CWH43: variants seen among roughly 807,000 people sequenced by gnomAD.
CWH43 encodes the protein cell wall biogenesis 43 C-terminal homolog.
CWH43 carries 91 observed loss-of-function variants against 85.7 expected under a neutral mutation model. The observed-to-expected ratio is 1.06, with a 90% CI of 0.90 to 1.26. CWH43 has a LOEUF of 1.26. CWH43 is among the 50% of genes most tolerant of loss of function. The pLI is 0.00. For synonymous variants in CWH43, 323 were observed against 293.6 expected, an observed-to-expected ratio of 1.10 and a Z score of -1.02; for missense variants, 869 against 839.2, an observed-to-expected ratio of 1.04 and a Z score of -0.44.
At chr4:49,024,679 C>A (rs1161746058) in intron 9 of CWH43, among the ~76,000 whole-genome samples, 1 of 152,128 alleles carries the variant, frequency 6.6e-6, no homozygotes, top group Admixed American at 6.5e-5. Flanking sequence ...AGATAGGACC[C>A]TAATCTATTC....
intron 15 of CWH43, among the ~76,000 whole-genome samples, chr4:49,055,168 G>A (rs962679430): frequency 2.0e-5 from 3 of 152,056 alleles, no homozygotes; most frequent in Non-Finnish European, 4.4e-5. Flanking sequence ...TTGTTATGAT[G>A]AGGTCTATTT....
chr4:49,055,907 TTTTTTC>T (rs1194787917), intron 15 of CWH43, among the ~76,000 whole-genome samples: 1 of 89,672 alleles, frequency 1.1e-5, no homozygotes. Context: ...TAATTTTTCT[TTTTTTC>T]TTTTTTTTTT....
At chr4:48,996,232 C>T (rs1381850909) in intron 5 of CWH43, among the ~76,000 whole-genome samples, 1 of 151,954 alleles carries the variant, frequency 6.6e-6, no homozygotes, top group East Asian at 1.9e-4. Flanking sequence ...CACAGGGGAT[C>T]CTCCTTTATG....
At chr4:49,003,324 C>G (rs1457134160) in intron 6 of CWH43, among the ~76,000 whole-genome samples, 2 of 152,180 alleles carry the variant, frequency 1.3e-5, no homozygotes, top group African/African-American at 4.8e-5. Context: ...AGCCCCTTAA[C>G]AGAGGTGTTC....
At chr4:48,987,386 G>C (rs577200908) in intron 1 of CWH43, among the ~76,000 whole-genome samples, 1 of 152,262 alleles carries the variant, frequency 6.6e-6, no homozygotes, top group South Asian at 2.1e-4. Flanking sequence ...TGATTAAGAA[G>C]GGGAGGTTGG....
intron 14 of CWH43, among the ~76,000 whole-genome samples, chr4:49,046,414 A>T (rs755902297): frequency 6.6e-6 from 1 of 152,176 alleles, no homozygotes; most frequent in Non-Finnish European, 1.5e-5. Context: ...TAATAGGAAA[A>T]AAACAAAATC....
chr4:49,045,587 T>G (rs537602934), intron 14 of CWH43, among the ~76,000 whole-genome samples: 9 of 152,288 alleles, frequency 5.9e-5, no homozygotes, highest in Non-Finnish European at 1.0e-4. Flanking sequence ...AGTACAGGTT[T>G]GTAGCCTAGG....
chr4:48,994,628 G>A lies in CWH43; in HGVS notation c.521G>A (p.Cys174Tyr), dbSNP rs1223701958. ...TATTTTTAAATTCTAGATGGTGACT[G>A]CAGTAAACCTGAAGAAAAGAAGACT... Reference protein sequence around the residue: ...TLDRIGTDGDCSKPEEKKTGE... With the variant: ...TLDRIGTDGDYSKPEEKKTGE... Residue 174 changes from cysteine (C) to tyrosine (Y), a missense_variant, in exon 5 of 16, where the codon TGC (cysteine) becomes TAC (tyrosine). Cys to Tyr is a radical substitution (Grantham distance 194). Coordinates refer to ENST00000226432, the MANE Select transcript of CWH43 (RefSeq NM_025087.3). 3 of 1,612,218 alleles carry A rather than the reference G, an allele frequency of 1.9e-6. No homozygotes were observed. Among genetic ancestry groups the A allele is most frequent in the Non-Finnish European group, 2.5e-6 (3 of 1,179,424 alleles).
rs549384463 is a variant in CWH43, at chr4:49,046,639, G to C, written c.1865+1792G>C. On this transcript the variant is annotated intron_variant, in intron 14 of 15. Coordinates refer to ENST00000226432, the MANE Select transcript of CWH43 (RefSeq NM_025087.3). ...TGGCAGCACCTCAAGTGGAAGGAGG[G>C]ACCCCACCTGTGCATACCCTGAGGA... is the stretch of plus-strand genomic sequence containing the variant. Among the ~76,000 whole-genome samples, 34 of 152,146 alleles carry C rather than the reference G, an allele frequency of 2.2e-4. No homozygotes were observed. In the South Asian group the frequency reaches 6.0e-3, roughly 27 times the overall value.
intron 7 of CWH43, among the ~76,000 whole-genome samples, chr4:49,005,877 C>T (rs1783141522): frequency 6.6e-6 from 1 of 152,172 alleles, no homozygotes; most frequent in African/African-American, 2.4e-5. Flanking sequence ...CTACTCTGCA[C>T]ATTTTGCCAT....
At chr4:49,024,308 A>G (rs1368347837) in intron 9 of CWH43, among the ~76,000 whole-genome samples, 1 of 152,168 alleles carries the variant, frequency 6.6e-6, no homozygotes, top group Non-Finnish European at 1.5e-5. Context: ...TGCATTCTAT[A>G]TCTTTTAAAT....
intron 9 of CWH43, among the ~76,000 whole-genome samples, chr4:49,025,985 G>A (rs1461861958): frequency 6.6e-6 from 1 of 152,088 alleles, no homozygotes; most frequent in Non-Finnish European, 1.5e-5. Context: ...AGGGTTAGGT[G>A]TGTCTGAGCT....
intron 8 of CWH43, among the ~76,000 whole-genome samples, chr4:49,011,284 G>T (rs966586276): frequency 6.6e-5 from 10 of 152,180 alleles, no homozygotes; most frequent in African/African-American, 2.4e-4. Context: ...TTGTATCAGA[G>T]ACTAGGATTG....
intron 8 of CWH43, chr4:49,016,691 A>C (rs1162890551): frequency 1.0e-5 from 8 of 768,400 alleles, no homozygotes; most frequent in Non-Finnish European, 1.7e-5. Context: ...TGCTTAGTCC[A>C]TTCACCTTAT....
chr4:49,017,025 G>T, intron 8 of CWH43: 2 of 762,510 alleles, frequency 2.6e-6, no homozygotes, highest in South Asian at 1.4e-5. Flanking sequence ...ATAGGCAGTT[G>T]GGGGAGAGCA....
chr4:49,049,949 A>T (rs1331101128), intron 14 of CWH43, among the ~76,000 whole-genome samples: 2 of 152,214 alleles, frequency 1.3e-5, no homozygotes, highest in Non-Finnish European at 2.9e-5. Context: ...CTAGAATGAA[A>T]GTTCCATGAG....
intron 13 of CWH43, among the ~76,000 whole-genome samples, chr4:49,041,949 A>G (rs1376952657): frequency 6.6e-6 from 1 of 152,208 alleles, no homozygotes; most frequent in Non-Finnish European, 1.5e-5. Flanking sequence ...TTTAGTCCTG[A>G]TGGCCATATT....
At chr4:49,054,079 A>T (rs1279002664) in intron 15 of CWH43, among the ~76,000 whole-genome samples, 1 of 152,284 alleles carries the variant, frequency 6.6e-6, no homozygotes, top group South Asian at 2.1e-4. Context: ...TATTTAAAAA[A>T]TCATTGCCCA....
At chr4:49,048,030 A>C (rs1414933650) in intron 14 of CWH43, among the ~76,000 whole-genome samples, 1 of 152,232 alleles carries the variant, frequency 6.6e-6, no homozygotes, top group Non-Finnish European at 1.5e-5. Flanking sequence ...AGTTTTGTTA[A>C]GTATTTTATA....
Sources: gnomAD v4.1 joint callset for allele counts (sites outside exome capture counted in the v4.1 genomes callset) on GRCh38, gnomAD v4.1.1 for gene constraint, MANE v1.5 for transcripts, NCBI Gene and HGNC (gene_info 2026-07-23, HGNC 2026-07-21) for gene names.